The following POU3F3 variants were observed in gnomAD, a reference collection of about 807,000 sequenced individuals.
The protein encoded by POU3F3 is POU class 3 homeobox 3, also known as POU domain, class 3, transcription factor 3.
Under a neutral mutation model 8.6 loss-of-function variants are expected in POU3F3, and 1 was observed. The ratio of observed to expected loss-of-function variants is 0.12; its 90% CI spans 0.04 to 0.55. The LOEUF is 0.55. POU3F3 is among the 20% of genes least tolerant of loss of function. The pLI is 0.91. For missense variants in POU3F3, 577 were observed against 690.7 expected, an observed-to-expected ratio of 0.84 and a Z score of 1.84; for synonymous variants, 418 against 327.4, an observed-to-expected ratio of 1.28 and a Z score of -2.99.
In POU3F3 at chr2:104,855,440, C is replaced by A; in HGVS notation, c.-71C>A. 1 of 772,652 alleles carries A rather than the reference C, an allele frequency of 1.3e-6. No individual in the cohort carries two copies. The highest frequency in any genetic ancestry group is 1.5e-6 in the Non-Finnish European group (1 of 650,988). 47.9% of individuals were successfully genotyped at this position (772,652 alleles called of 1,614,324 possible). On this transcript the variant is annotated 5_prime_UTR_variant, in exon 1 of 1. Coordinates refer to ENST00000361360, the MANE Select transcript of POU3F3 (RefSeq NM_006236.3). Reference sequence around the variant, plus strand: ...GGGGGCGCGGCGGCGGCGGCGGCGGCGGCGGCCGCGGCTGCTGCTGCGGCG... The same window carrying A: ...GGGGGCGCGGCGGCGGCGGCGGCGGAGGCGGCCGCGGCTGCTGCTGCGGCG...
At chr2:104,922,655 A>G in the POU3F3 span, among the ~76,000 whole-genome samples, 2 of 152,210 alleles carry the variant, frequency 1.3e-5, no homozygotes, top group African/African-American at 4.8e-5. Context: ...TCAGAGACCC[A>G]TGGGACACTA....
the POU3F3 span, among the ~76,000 whole-genome samples, chr2:104,889,678 T>A: frequency 6.6e-6 from 1 of 152,184 alleles, no homozygotes; most frequent in Non-Finnish European, 1.5e-5. Flanking sequence ...AGACCCACAG[T>A]GGAAGGGGCA....
chr2:104,901,361 G>A, the POU3F3 span, among the ~76,000 whole-genome samples: 1 of 152,190 alleles, frequency 6.6e-6, no homozygotes, highest in South Asian at 2.1e-4. Context: ...GCAAATTGGA[G>A]CGATCGATAT....
chr2:104,916,771 CT>C, the POU3F3 span, among the ~76,000 whole-genome samples: 2 of 152,130 alleles, frequency 1.3e-5, no homozygotes, highest in Non-Finnish European at 2.9e-5. Flanking sequence ...ATCTTAGAGG[CT>C]GCCTAACAGA....
At chr2:104,872,636 G>A in the POU3F3 span, 3 of 255,548 alleles carry the variant, frequency 1.2e-5, no homozygotes, top group South Asian at 7.5e-5. This position sits in a 1 kb window ranked among gnomAD's most constrained non-coding sequence, Gnocchi z 4.6. Flanking sequence ...CCCAGGCCGC[G>A]GGCTCCCCTC....
chr2:104,906,322 A>G, the POU3F3 span, among the ~76,000 whole-genome samples: 8 of 152,178 alleles, frequency 5.3e-5, no homozygotes. Flanking sequence ...TATAATACAG[A>G]CAATGGATCA....
At chr2:104,891,320 C>T in the POU3F3 span, among the ~76,000 whole-genome samples, 1 of 151,808 alleles carries the variant, frequency 6.6e-6, no homozygotes, top group Non-Finnish European at 1.5e-5. Flanking sequence ...TATTACTACA[C>T]AACATACAGT....
chr2:104,923,705 A>G, the POU3F3 span, among the ~76,000 whole-genome samples: 1 of 152,222 alleles, frequency 6.6e-6, no homozygotes, highest in African/African-American at 2.4e-5. Flanking sequence ...AAGTGTAAAT[A>G]CTTCAAAATC....
chr2:104,869,346 G>T, the POU3F3 span, among the ~76,000 whole-genome samples: 1 of 152,386 alleles, frequency 6.6e-6, no homozygotes, highest in East Asian at 1.9e-4. Flanking sequence ...GTGACACAAA[G>T]GAGGCCCTGA....
the POU3F3 span, among the ~76,000 whole-genome samples, chr2:104,914,280 A>T: frequency 6.6e-6 from 1 of 152,334 alleles, no homozygotes; most frequent in Non-Finnish European, 1.5e-5. Context: ...TCCACTCGTT[A>T]ACAGAGGACT....
chr2:104,902,260 TA>T, the POU3F3 span, among the ~76,000 whole-genome samples: 1 of 152,196 alleles, frequency 6.6e-6, no homozygotes, highest in Non-Finnish European at 1.5e-5. Context: ...CATCTGTTTT[TA>T]AAAACCAGAG....
chr2:104,875,867 C>T, the POU3F3 span, among the ~76,000 whole-genome samples: 1 of 152,120 alleles, frequency 6.6e-6, no homozygotes, highest in Non-Finnish European at 1.5e-5. Context: ...CAGGTGTGCA[C>T]CACCATGCCC....
the POU3F3 span, among the ~76,000 whole-genome samples, chr2:104,880,210 A>G: frequency 6.6e-6 from 1 of 152,062 alleles, no homozygotes; most frequent in Admixed American, 6.6e-5. Context: ...CCACATAGAC[A>G]GATTTGGGAC....
chr2:104,856,144 G>A lies in POU3F3; in HGVS notation c.634G>A (p.Gly212Ser), dbSNP rs1348594751. 1.6e-5 allele frequency: 20 copies of A among 1,227,808 alleles called. 1 individual carries two copies. The Admixed American group carries it at 5.1e-4, about 32-fold the overall frequency. 76.1% of individuals were successfully genotyped at this position (1,227,808 alleles called of 1,614,324 possible). The change falls in exon 1 of 1, where the codon GGC (glycine) becomes AGC (serine). Residue 212 changes from glycine (G) to serine (S), a missense_variant. This residue lies in a region of POU3F3 where 484 missense variants were observed against 422.6 expected (regional missense o/e 1.15). Coordinates refer to ENST00000361360, the MANE Select transcript of POU3F3 (RefSeq NM_006236.3). Reference sequence around the variant, plus strand: ...CGCGCACCTCCCGTCCATGGCCGGGGGCCAGCAGCCGCCGCCGCAGAGTCT... The same window carrying A: ...CGCGCACCTCCCGTCCATGGCCGGGAGCCAGCAGCCGCCGCCGCAGAGTCT... Reference protein sequence around the residue: ...AAAHLPSMAGGQQPPPQSLLY... With the variant: ...AAAHLPSMAGSQQPPPQSLLY...
the POU3F3 span, among the ~76,000 whole-genome samples, chr2:104,917,050 ATCT>A: frequency 3.3e-5 from 5 of 152,190 alleles, no homozygotes; most frequent in Admixed American, 2.0e-4. Context: ...AGAGACATCC[ATCT>A]TCTTCTGCCC....
In POU3F3 at chr2:104,854,393, C is replaced by G. The variant is rs913003284; in HGVS notation, c.-1118C>G. Among the ~76,000 whole-genome samples, 1 of 152,174 alleles carries G rather than the reference C, an allele frequency of 6.6e-6. No homozygotes were observed. Among genetic ancestry groups the G allele is most frequent in the Non-Finnish European group, 1.5e-5 (1 of 68,044 alleles). Reference sequence around the variant, plus strand: ...CGATCCCCTATATGCACACACACACCTCCACCTCCACCAATGCACTCTTCT... The same window carrying G: ...CGATCCCCTATATGCACACACACACGTCCACCTCCACCAATGCACTCTTCT... On this transcript the variant is annotated 5_prime_UTR_variant, in exon 1 of 1. Transcript: ENST00000361360. The surrounding 1 kb of genome is among the most constrained non-coding windows in gnomAD (Gnocchi z 4.5).
At chr2:104,904,006 C>T in the POU3F3 span, among the ~76,000 whole-genome samples, 1 of 152,180 alleles carries the variant, frequency 6.6e-6, no homozygotes, top group African/African-American at 2.4e-5. Context: ...AGCTGAATGG[C>T]CTTAAGCTTT....
the POU3F3 span, among the ~76,000 whole-genome samples, chr2:104,905,980 G>A: frequency 6.6e-6 from 1 of 152,202 alleles, no homozygotes; most frequent in Admixed American, 6.5e-5. Context: ...GATAGCCTTT[G>A]AAAGTCATGA....
chr2:104,877,322 C>T, the POU3F3 span, among the ~76,000 whole-genome samples: 1 of 152,154 alleles, frequency 6.6e-6, no homozygotes, highest in African/African-American at 2.4e-5. Flanking sequence ...GATTAGCTCT[C>T]CCTCCAACTG....
Sources: gnomAD v4.1 joint callset for allele counts (sites outside exome capture counted in the v4.1 genomes callset) on GRCh38, gnomAD v4.1.1 for gene constraint, gnomAD v4.1.1 regional missense constraint, Gnocchi (gnomAD v3.1) non-coding constraint, MANE v1.5 for transcripts, NCBI Gene and HGNC (gene_info 2026-07-23, HGNC 2026-07-21) for gene names.